The following ARHGAP11A variants were observed in gnomAD, a reference collection of about 807,000 sequenced individuals.
ARHGAP11A encodes Rho GTPase activating protein 11A.
Under a neutral mutation model 60.5 loss-of-function variants are expected in ARHGAP11A, and 36 were observed. The ratio of observed to expected loss-of-function variants is 0.59; its 90% CI spans 0.46 to 0.79. The LOEUF is 0.79. ARHGAP11A is among the 30% of genes least tolerant of loss of function. The pLI is 0.00. For synonymous variants in ARHGAP11A, 362 were observed against 415.5 expected (o/e 0.87, Z 1.57); for missense variants, 1,071 against 1,199.2 (o/e 0.89, Z 1.58).
chr15:32,633,917 A>T lies in ARHGAP11A; in HGVS notation c.1236-16A>T. 1 of 1,537,290 alleles carries T rather than the reference A, an allele frequency of 6.5e-7. No individual in the cohort carries two copies. Among genetic ancestry groups the T allele is most frequent in the Non-Finnish European group, 8.8e-7 (1 of 1,132,734 alleles). On this transcript the variant is annotated splice_polypyrimidine_tract_variant and intron_variant, in intron 9 of 11. Transcript: ENST00000361627. Reference sequence around the variant, plus strand: ...TTTATACTATAAACTGACATTTTTAATTCCACTTCTTCTAGAGTGGAATCA... The same window carrying T: ...TTTATACTATAAACTGACATTTTTATTTCCACTTCTTCTAGAGTGGAATCA...
chr15:32,632,607 C>T (rs562782894), intron 8 of ARHGAP11A, among the ~76,000 whole-genome samples: 9 of 152,106 alleles, frequency 5.9e-5, no homozygotes, highest in Middle Eastern at 3.4e-3. Context: ...CATAGAAGTC[C>T]GTTTTCAGAG....
chr15:32,625,291 T>C, intron 5 of ARHGAP11A, 48 bp downstream of exon 5: 2 of 1,547,202 alleles, frequency 1.3e-6, no homozygotes, highest in Non-Finnish European at 1.8e-6. Context: ...ATGAGGAAAA[T>C]CTCTGTTTCT....
At chr15:32,635,936 T>TA (rs756157942) in intron 11 of ARHGAP11A, 21 bp downstream of exon 11, 12 of 1,571,684 alleles carry the variant, frequency 7.6e-6, no homozygotes, top group Non-Finnish European at 1.0e-5. Context: ...ATACTACTGT[T>TA]AGAGTTTTAC....
At chr15:32,632,419 C>CA (rs1455696403) in intron 8 of ARHGAP11A, among the ~76,000 whole-genome samples, 2 of 152,158 alleles carry the variant, frequency 1.3e-5, no homozygotes, top group Non-Finnish European at 2.9e-5. Flanking sequence ...GTTTACTTGC[C>CA]AAAAATATTG....
rs183435271 is a variant in ARHGAP11A, at chr15:32,627,536, T to C, written c.863-1192T>C. On this transcript the variant is annotated intron_variant, in intron 6 of 11. Coordinates refer to ENST00000361627, the MANE Select transcript of ARHGAP11A (RefSeq NM_014783.6). ...TGAGGTCAGGAGATCGAGACCATCC[T>C]AGCTAACACAGTGAAACCCCGTCTC... is the stretch of plus-strand genomic sequence containing the variant. Among the ~76,000 whole-genome samples the C allele has an allele frequency of 4.1e-3, 617 of 151,464 alleles. 10 individuals carry two copies. Among genetic ancestry groups the C allele is most frequent in the African/African-American group, 0.014 (571 of 40,844 alleles).
In ARHGAP11A at chr15:32,636,772, A is replaced by C; in HGVS notation, c.1999A>C (p.Lys667Gln). The change falls in exon 12 of 12, where the codon AAA becomes CAA. Residue 667 changes from lysine to glutamine, a missense_variant. Lys to Gln is a moderately conservative substitution (Grantham distance 53, BLOSUM62 1). Transcript: ENST00000361627. ...KYEHHTGKGE[K>Q]CFSERDFSPL... ...TGAACACCACACTGGTAAAGGTGAAAAATGTTTTTCAGAGAGGGACTTTTC... is the reference window on the plus strand; with the variant it reads ...TGAACACCACACTGGTAAAGGTGAACAATGTTTTTCAGAGAGGGACTTTTC... 6.2e-7 allele frequency: 1 copy of C among 1,611,958 alleles called. No individual in the cohort carries two copies. Among genetic ancestry groups the C allele is most frequent in the Non-Finnish European group, 8.5e-7 (1 of 1,179,586 alleles).
chr15:32,629,503 T>A (rs2053541081), intron 7 of ARHGAP11A, 92 bp from the exon 8 acceptor site: 7 of 1,013,172 alleles, frequency 6.9e-6, no homozygotes, highest in Non-Finnish European at 1.0e-5. Flanking sequence ...TAGCTCTAAG[T>A]AATAGCTTTA....
intron 4 of ARHGAP11A, 47 bp from the exon 5 acceptor site, chr15:32,625,033 G>C: frequency 6.3e-7 from 1 of 1,593,928 alleles, no homozygotes. Context: ...TAACTCTTCT[G>C]TATTTTCACG....
chr15:32,623,218 T>C (rs1018108089), intron 2 of ARHGAP11A, among the ~76,000 whole-genome samples: 1 of 151,242 alleles, frequency 6.6e-6, no homozygotes, highest in Non-Finnish European at 1.5e-5. Context: ...AAAAGACAAG[T>C]CTTACGCTCT....
At chr15:32,629,975 T>TGTGTGTGTGTGTG (rs59288058) in intron 8 of ARHGAP11A, among the ~76,000 whole-genome samples, 8 of 129,002 alleles carry the variant, frequency 6.2e-5, no homozygotes, top group Non-Finnish European at 1.3e-4. Flanking sequence ...TGTGTGTGTG[T>TGTGTGTGTGTGTG]TATGACAACA....
At chr15:32,634,364 T>C (rs1256162568) in intron 10 of ARHGAP11A, among the ~76,000 whole-genome samples, 2 of 152,140 alleles carry the variant, frequency 1.3e-5, no homozygotes, top group African/African-American at 4.8e-5. Flanking sequence ...TTTTGGAATA[T>C]TTACATTATT....
intron 2 of ARHGAP11A, among the ~76,000 whole-genome samples, chr15:32,621,498 T>C (rs1458017567): frequency 6.6e-6 from 1 of 152,258 alleles, no homozygotes; most frequent in African/African-American, 2.4e-5. Flanking sequence ...CTATTCTAAC[T>C]GCATCAGAAC....
Position 32,638,526 on chromosome 15 carries a change from A to G in ARHGAP11A, c.*681A>G, listed in dbSNP as rs766695408. The G allele has an allele frequency of 9.2e-5, 14 of 152,370 alleles. No individual in the cohort carries two copies. The highest frequency in any genetic ancestry group is 2.1e-4 in the Non-Finnish European group (14 of 68,028). 9.4% of individuals were successfully genotyped at this position (152,370 alleles called of 1,614,324 possible). A position where few individuals can be genotyped will look rare whatever the true frequency, so the allele number is the denominator to read the frequency against. ...AAAATAAATAAATTTCTAGCATATA[A>G]AGGGTAGAGATAAACTCTGCAAATC... is the stretch of plus-strand genomic sequence containing the variant. On this transcript the variant is annotated 3_prime_UTR_variant, in exon 12 of 12. Coordinates refer to ENST00000361627, the MANE Select transcript of ARHGAP11A (RefSeq NM_014783.6).
intron 9 of ARHGAP11A, among the ~76,000 whole-genome samples, chr15:32,633,573 G>A (rs1384607716): frequency 1.3e-5 from 2 of 152,096 alleles, no homozygotes; most frequent in Non-Finnish European, 1.5e-5. Context: ...GCCCAGGGAT[G>A]TCAAGGCTAC....
At chr15:32,625,826 C>G (rs527644226) in intron 6 of ARHGAP11A, among the ~76,000 whole-genome samples, 193 bp downstream of exon 6, 1 of 152,350 alleles carries the variant, frequency 6.6e-6, no homozygotes, top group East Asian at 1.9e-4. Context: ...TTAGCACAAA[C>G]ATAAAATGTG....
In ARHGAP11A at chr15:32,627,500, T is replaced by C. The variant is rs529951078; in HGVS notation, c.863-1228T>C. Among the ~76,000 whole-genome samples the C allele has an allele frequency of 3.0e-3, 454 of 152,104 alleles. 5 individuals carry two copies. Among genetic ancestry groups the C allele is most frequent in the African/African-American group, 5.6e-3 (230 of 41,406 alleles). On this transcript the variant is annotated intron_variant, in intron 6 of 11. Transcript: ENST00000361627. ...ATTCCAGCACTTTGGGAGGCCAAGGTGGGCGGATCATGAGGTCAGGAGATC... is the reference window on the plus strand; with the variant it reads ...ATTCCAGCACTTTGGGAGGCCAAGGCGGGCGGATCATGAGGTCAGGAGATC...
In ARHGAP11A at chr15:32,623,402, G is replaced by T. The variant is rs534468420; in HGVS notation, c.201-90G>T. The stretch of plus-strand genomic sequence containing the variant: ...ATTTGTGGCTTTAGAGCCTCTGAAA[G>T]GTACGTAGTGCTTGGCCTGCTCATG... On this transcript the variant is annotated intron_variant, in intron 2 of 11. Coordinates refer to ENST00000361627, the MANE Select transcript of ARHGAP11A (RefSeq NM_014783.6). 228 of 1,211,240 alleles carry T rather than the reference G, an allele frequency of 1.9e-4. 1 individual carries two copies. Among genetic ancestry groups the T allele is most frequent in the Non-Finnish European group, 2.5e-4 (218 of 857,032 alleles). 75.0% of individuals were successfully genotyped at this position (1,211,240 alleles called of 1,614,324 possible). A position where few individuals can be genotyped will look rare whatever the true frequency, so the allele number is the denominator to read the frequency against.
intron 6 of ARHGAP11A, among the ~76,000 whole-genome samples, chr15:32,628,136 C>G (rs2053508412): frequency 6.6e-6 from 1 of 152,192 alleles, no homozygotes; most frequent in South Asian, 2.1e-4. Flanking sequence ...ATGTATAACT[C>G]TACTCAAGTA....
chr15:32,636,830 C>T lies in ARHGAP11A; in HGVS notation c.2057C>T (p.Thr686Ile). Residue 686 changes from threonine to isoleucine, a missense_variant, in exon 12 of 12, where the codon ACA becomes ATA. Physicochemically the swap from Thr to Ile is moderately conservative, Grantham distance 89 (BLOSUM62 -1). This residue lies in a region of ARHGAP11A where 776 missense variants were observed against 760.2 expected (regional missense o/e 1.02). Coordinates refer to ENST00000361627, the MANE Select transcript of ARHGAP11A (RefSeq NM_014783.6). Reference protein sequence around the residue: ...PLQTQTFNRETTIKCYSTQMK... With the variant: ...PLQTQTFNREITIKCYSTQMK... ...CAAACTCAAACATTTAATAGAGAAACAACTATAAAATGTTATTCAACTCAG... is the reference window on the plus strand; with the variant it reads ...CAAACTCAAACATTTAATAGAGAAATAACTATAAAATGTTATTCAACTCAG... 1 of 1,606,760 alleles carries T rather than the reference C, an allele frequency of 6.2e-7. No individual in the cohort carries two copies. Among genetic ancestry groups the T allele is most frequent in the Non-Finnish European group, 8.5e-7 (1 of 1,178,112 alleles).
Sources: gnomAD v4.1 joint callset for allele counts (sites outside exome capture counted in the v4.1 genomes callset) on GRCh38, gnomAD v4.1.1 for gene constraint, gnomAD v4.1.1 regional missense constraint, MANE v1.5 for transcripts, NCBI Gene and HGNC (gene_info 2026-07-23, HGNC 2026-07-21) for gene names.